The following DENND1B variants were observed in gnomAD, a reference collection of about 807,000 sequenced individuals.
DENND1B encodes DENN domain-containing protein 1B.
Under a neutral mutation model 90.1 loss-of-function variants are expected in DENND1B, and 59 were observed. That is an observed-to-expected ratio of 0.65 (90% CI 0.53 to 0.81). The LOEUF is 0.81. DENND1B is among the 40% of genes least tolerant of loss of function. The probability of loss-of-function intolerance (pLI) is 0.00; values close to 1 mark genes in which losing one functional copy is unlikely to be tolerated. For missense variants in DENND1B, 862 were observed against 912.6 expected (o/e 0.94, Z 0.71); for synonymous variants, 337 against 324.6 (o/e 1.04, Z -0.41).
chr1:197,626,302 C>A (rs529870549), intron 10 of DENND1B, among the ~76,000 whole-genome samples: 5 of 152,188 alleles, frequency 3.3e-5, no homozygotes, highest in Admixed American at 6.5e-5. Context: ...TATAAAAGAA[C>A]AGAAATTATA....
intron 18 of DENND1B, among the ~76,000 whole-genome samples, chr1:197,542,614 T>C (rs7516243): frequency 2.1e-3 from 319 of 152,260 alleles, no homozygotes; most frequent in African/African-American, 7.5e-3. Context: ...TTACTATCTA[T>C]AGAAAACCAA....
At chr1:197,718,745 A>G (rs1239928017) in intron 2 of DENND1B, among the ~76,000 whole-genome samples, 1 of 152,134 alleles carries the variant, frequency 6.6e-6, no homozygotes, top group Non-Finnish European at 1.5e-5. Flanking sequence ...AGAACATTCT[A>G]GAGTGAAGAA....
chr1:197,516,149 A>G (rs1385815279), intron 20 of DENND1B, among the ~76,000 whole-genome samples: 2 of 151,880 alleles, frequency 1.3e-5, no homozygotes, highest in East Asian at 1.9e-4. Context: ...TAACACTACA[A>G]TTAAATTATA....
intron 15 of DENND1B, among the ~76,000 whole-genome samples, chr1:197,561,122 C>A (rs1449472756): frequency 6.6e-6 from 1 of 151,834 alleles, no homozygotes; most frequent in Non-Finnish European, 1.5e-5. Context: ...TTCTCTTGAC[C>A]CCACTTACTT....
chr1:197,587,824 G>T (rs1466260302), intron 14 of DENND1B, among the ~76,000 whole-genome samples: 1 of 152,052 alleles, frequency 6.6e-6, no homozygotes, highest in East Asian at 1.9e-4. Context: ...CTATAATGTA[G>T]AATCAATCAG....
intron 5 of DENND1B, among the ~76,000 whole-genome samples, chr1:197,660,421 T>A (rs1206335626): frequency 6.6e-6 from 1 of 152,004 alleles, no homozygotes; most frequent in Non-Finnish European, 1.5e-5. Context: ...TCAACTATCA[T>A]ATAGCTATAG....
chr1:197,753,352 G>A (rs74134867), intron 2 of DENND1B, among the ~76,000 whole-genome samples: 2,724 of 152,096 alleles, frequency 0.018, 97 homozygotes, highest in African/African-American at 0.06. Context: ...AATATCTCTG[G>A]AAAAGGCAAA....
chr1:197,680,626 A>C (rs1656586219), intron 3 of DENND1B, among the ~76,000 whole-genome samples: 1 of 152,162 alleles, frequency 6.6e-6, no homozygotes, highest in Non-Finnish European at 1.5e-5. Context: ...CAACCCAATA[A>C]ATATGTACAT....
intron 2 of DENND1B, among the ~76,000 whole-genome samples, chr1:197,718,715 G>A (rs1387459441): frequency 6.6e-6 from 1 of 152,016 alleles, no homozygotes; most frequent in Non-Finnish European, 1.5e-5. Flanking sequence ...GAATAATCTG[G>A]GCCATAAAGT....
chr1:197,722,936 G>C (rs547098272), intron 2 of DENND1B, among the ~76,000 whole-genome samples: 33 of 152,098 alleles, frequency 2.2e-4, no homozygotes, highest in African/African-American at 7.5e-4. Context: ...ATCTTCATTC[G>C]AATAAGCCAT....
At chr1:197,743,516 C>A (rs1663413283) in intron 2 of DENND1B, among the ~76,000 whole-genome samples, 1 of 152,152 alleles carries the variant, frequency 6.6e-6, no homozygotes, top group African/African-American at 2.4e-5. Context: ...TTGATGGCTG[C>A]TAACTGATCA....
At chr1:197,619,455 G>A (rs1270902541) in intron 10 of DENND1B, among the ~76,000 whole-genome samples, 1 of 151,026 alleles carries the variant, frequency 6.6e-6, no homozygotes, top group Non-Finnish European at 1.5e-5. Flanking sequence ...GCGTTGAAAG[G>A]CAGCTAATTA....
intron 15 of DENND1B, among the ~76,000 whole-genome samples, chr1:197,579,229 A>G (rs1448651147): frequency 6.6e-6 from 1 of 152,212 alleles, no homozygotes; most frequent in Non-Finnish European, 1.5e-5. Flanking sequence ...AATGAAACCA[A>G]CACGAGGGGG....
upstream of DENND1B, among the ~76,000 whole-genome samples, chr1:197,777,765 AG>A (rs1267239923): frequency 1.3e-5 from 2 of 152,178 alleles, no homozygotes; most frequent in African/African-American, 4.8e-5. Flanking sequence ...TTGTTGTCAA[AG>A]AACATGGTCT....
chr1:197,619,406 A>AC, intron 10 of DENND1B, among the ~76,000 whole-genome samples: 1 of 150,810 alleles, frequency 6.6e-6, no homozygotes, highest in South Asian at 2.1e-4. Context: ...AACTCTTTCC[A>AC]CCCCCTTTTT....
intron 3 of DENND1B, among the ~76,000 whole-genome samples, chr1:197,707,808 C>A (rs1659743419): frequency 2.0e-5 from 3 of 147,552 alleles, no homozygotes. Context: ...GCATTTCCAT[C>A]TGAGGTACCG....
At chr1:197,581,766 G>A (rs2125770499) in intron 15 of DENND1B, among the ~76,000 whole-genome samples, 1 of 152,232 alleles carries the variant, frequency 6.6e-6, no homozygotes, top group Admixed American at 6.5e-5. Context: ...AGGGAAATAA[G>A]TTAGATATTC....
At chr1:197,688,026 C>CA (rs1221639624) in intron 3 of DENND1B, among the ~76,000 whole-genome samples, 1 of 151,960 alleles carries the variant, frequency 6.6e-6, no homozygotes, top group Non-Finnish European at 1.5e-5. Context: ...ACAGTAACAT[C>CA]AAACTATTTG....
intron 11 of DENND1B, among the ~76,000 whole-genome samples, chr1:197,615,902 A>C: frequency 6.6e-6 from 1 of 150,910 alleles, no homozygotes; most frequent in East Asian, 2.0e-4. Context: ...CTAGAAAGAA[A>C]ATTCCAGGGA....
Sources: gnomAD v4.1 joint callset for allele counts (sites outside exome capture counted in the v4.1 genomes callset) on GRCh38, gnomAD v4.1.1 for gene constraint, MANE v1.5 for transcripts, NCBI Gene and HGNC (gene_info 2026-07-23, HGNC 2026-07-21) for gene names.